Variants in SORCS3 observed in about 807,000 individuals in gnomAD.
SORCS3 encodes sortilin related VPS10 domain containing receptor 3, also known as VPS10 domain-containing receptor SorCS3.
Under a neutral mutation model 146.3 loss-of-function variants are expected in SORCS3, and 57 were observed. The observed-to-expected ratio is 0.39, with a 90% CI of 0.31 to 0.49. SORCS3 has a LOEUF of 0.49. Among genes scored for constraint, SORCS3 ranks in the 20% least tolerant of loss-of-function variants. The pLI is 0.92. For missense variants in SORCS3, 1,341 were observed against 1,575.5 expected, an observed-to-expected ratio of 0.85 and a Z score of 2.52; for synonymous variants, 653 against 618.5, an observed-to-expected ratio of 1.06 and a Z score of -0.83.
intron 1 of SORCS3, among the ~76,000 whole-genome samples, chr10:104,769,264 A>G (rs544011743): frequency 1.3e-5 from 2 of 152,328 alleles, no homozygotes; most frequent in South Asian, 4.1e-4. Flanking sequence ...TTAGGTCCCT[A>G]CCAGCCCACA....
intron 7 of SORCS3, among the ~76,000 whole-genome samples, chr10:105,136,685 A>G (rs775671537): frequency 2.6e-5 from 4 of 152,174 alleles, no homozygotes; most frequent in Non-Finnish European, 4.4e-5. Flanking sequence ...TAGGATTTAC[A>G]CTGAGGTTTA....
intron 5 of SORCS3, among the ~76,000 whole-genome samples, chr10:105,077,555 CACACACACACA>C (rs2055596703): frequency 7.7e-6 from 1 of 129,734 alleles, no homozygotes; most frequent in South Asian, 2.6e-4. Context: ...CACACACACA[CACACACACACA>C]GAGGGATGGT....
At chr10:104,824,633 GC>G (rs1217307630) in intron 1 of SORCS3, among the ~76,000 whole-genome samples, 3 of 152,316 alleles carry the variant, frequency 2.0e-5, no homozygotes, top group Admixed American at 1.3e-4. Flanking sequence ...TGTCCCAGGT[GC>G]TGGAGATATA....
At chr10:105,220,334 G>C (rs2056693300) in intron 19 of SORCS3, among the ~76,000 whole-genome samples, 1 of 152,188 alleles carries the variant, frequency 6.6e-6, no homozygotes, top group African/African-American at 2.4e-5. Context: ...CTTTCAAGTT[G>C]TGAACGCCAC....
intron 3 of SORCS3, among the ~76,000 whole-genome samples, chr10:104,937,104 AGT>A (rs955307466): frequency 4.6e-5 from 7 of 152,172 alleles, no homozygotes; most frequent in African/African-American, 1.4e-4. Flanking sequence ...GATTCTCATA[AGT>A]GTGCAACCTA....
At chr10:104,957,554 AACACACACAC>A (rs10660859) in intron 3 of SORCS3, among the ~76,000 whole-genome samples, 1 of 148,370 alleles carries the variant, frequency 6.7e-6, no homozygotes, top group Non-Finnish European at 1.5e-5. Context: ...AAGGAAAGAA[AACACACACAC>A]ACACACACAC....
chr10:104,896,083 C>A (rs2018794759), intron 2 of SORCS3, among the ~76,000 whole-genome samples: 1 of 152,012 alleles, frequency 6.6e-6, no homozygotes, highest in African/African-American at 2.4e-5. Context: ...GTTTTCTGGC[C>A]AGAGTCCATT....
intron 1 of SORCS3, among the ~76,000 whole-genome samples, chr10:104,785,260 TC>T (rs1223333461): frequency 6.8e-6 from 1 of 147,024 alleles, no homozygotes; most frequent in Non-Finnish European, 1.5e-5. Flanking sequence ...TGCCTTGGGA[TC>T]CTGTTGATCT....
chr10:104,712,066 T>C (rs1024739337), intron 1 of SORCS3, among the ~76,000 whole-genome samples: 1 of 152,182 alleles, frequency 6.6e-6, no homozygotes, highest in Non-Finnish European at 1.5e-5. Context: ...CCTTTCCTAC[T>C]CTCGTGATTC....
At chr10:105,081,598 A>G (rs1247851257) in intron 5 of SORCS3, among the ~76,000 whole-genome samples, 1 of 152,216 alleles carries the variant, frequency 6.6e-6, no homozygotes, top group African/African-American at 2.4e-5. Flanking sequence ...GACTGTTTGC[A>G]CAAAGGGTTA....
Position 104,696,353 on chromosome 10 carries a change from T to TATACACATATG in SORCS3, c.627+54402_627+54403insCACATATGATA, listed in dbSNP as rs1225186661. Reference sequence around the variant, plus strand: ...CACATATGATATATGATATATATCATATATATATCATATATAGTATATAAT... The same window carrying TATACACATATG: ...CACATATGATATATGATATATATCATATACACATATGATATATATCATATATAGTATATAAT... On this transcript the variant is annotated intron_variant, in intron 1 of 26. Transcript: ENST00000369701. 7.6e-3 allele frequency among the ~76,000 whole-genome samples: 2 copies of TATACACATATG among 264 alleles called. 1 individual carries two copies. The highest frequency in any genetic ancestry group is 0.021 in the African/African-American group (2 of 94). 0.2% of individuals were successfully genotyped at this position (264 alleles called of 152,430 possible).
At chr10:105,141,159 C>G (rs1052660770) in intron 8 of SORCS3, among the ~76,000 whole-genome samples, 1 of 152,170 alleles carries the variant, frequency 6.6e-6, no homozygotes, top group Non-Finnish European at 1.5e-5. Context: ...GACAGTGTGG[C>G]TGCAGGTGGG....
chr10:105,056,014 G>A (rs1368698279), intron 5 of SORCS3, among the ~76,000 whole-genome samples: 4 of 152,200 alleles, frequency 2.6e-5, no homozygotes, highest in African/African-American at 7.2e-5. Context: ...ATTGAAGGAA[G>A]TATTAGGACT....
intron 5 of SORCS3, among the ~76,000 whole-genome samples, chr10:105,044,496 G>T (rs920108009): frequency 2.0e-5 from 3 of 152,104 alleles, no homozygotes; most frequent in Non-Finnish European, 4.4e-5. Context: ...TGTGATAGCC[G>T]TTTATGCCTT....
intron 2 of SORCS3, among the ~76,000 whole-genome samples, chr10:104,845,742 C>T (rs950038025): frequency 2.6e-5 from 4 of 152,110 alleles, no homozygotes; most frequent in Admixed American, 6.6e-5. Flanking sequence ...AATTGAAATA[C>T]CAATTTCTGT....
intron 5 of SORCS3, among the ~76,000 whole-genome samples, chr10:105,055,758 A>G (rs1286376952): frequency 6.6e-6 from 1 of 152,152 alleles, no homozygotes; most frequent in Non-Finnish European, 1.5e-5. Flanking sequence ...CAGAGTTCAT[A>G]TTTCTGACCT....
intron 18 of SORCS3, among the ~76,000 whole-genome samples, chr10:105,215,608 A>C (rs1398850667): frequency 6.6e-6 from 1 of 152,194 alleles, no homozygotes; most frequent in African/African-American, 2.4e-5. Context: ...GACCACAGCT[A>C]TAAAAACCTT....
At chr10:104,893,946 G>A (rs1288662973) in intron 2 of SORCS3, among the ~76,000 whole-genome samples, 4 of 152,090 alleles carry the variant, frequency 2.6e-5, no homozygotes, top group Non-Finnish European at 2.9e-5. Flanking sequence ...ACTCCCAACC[G>A]GCAAATTCAT....
chr10:104,947,153 C>A (rs1045650297), intron 3 of SORCS3, among the ~76,000 whole-genome samples: 1 of 152,152 alleles, frequency 6.6e-6, no homozygotes, highest in Non-Finnish European at 1.5e-5. Flanking sequence ...ATCAATTTTT[C>A]TTTGAGTCAC....
Sources: gnomAD v4.1 joint callset for allele counts (sites outside exome capture counted in the v4.1 genomes callset) on GRCh38, gnomAD v4.1.1 for gene constraint, MANE v1.5 for transcripts, NCBI Gene and HGNC (gene_info 2026-07-23, HGNC 2026-07-21) for gene names.